Variants in CDH18 observed in about 807,000 individuals in gnomAD.
CDH18 encodes cadherin 18, also known as cadherin-18.
CDH18 carries 31 observed loss-of-function variants against 67.9 expected under a neutral mutation model. That is an observed-to-expected ratio of 0.46 (90% CI 0.34 to 0.62). CDH18 has a LOEUF of 0.62. Among genes scored for constraint, CDH18 ranks in the 20% least tolerant of loss-of-function variants. The pLI is 0.01. For synonymous variants in CDH18, 362 were observed against 347.2 expected, an observed-to-expected ratio of 1.04 and a Z score of -0.48; for missense variants, 890 against 975.5, an observed-to-expected ratio of 0.91 and a Z score of 1.17.
intron 11 of CDH18, among the ~76,000 whole-genome samples, chr5:19,494,628 T>C (rs1416058252): frequency 3.3e-5 from 5 of 152,214 alleles, no homozygotes; most frequent in Admixed American, 3.3e-4. Flanking sequence ...CAATATGTCC[T>C]AATTCATAAT....
intron 2 of CDH18, among the ~76,000 whole-genome samples, chr5:20,023,468 G>A (rs1338074723): frequency 2.0e-5 from 3 of 152,052 alleles, no homozygotes; most frequent in Middle Eastern, 3.4e-3. Context: ...GACCATCCTG[G>A]ATAACATGGT....
chr5:20,161,914 T>C (rs1174069325), intron 2 of CDH18, among the ~76,000 whole-genome samples: 2 of 152,200 alleles, frequency 1.3e-5, no homozygotes, highest in African/African-American at 4.8e-5. Context: ...CTATTAAAAG[T>C]TGGCTTAGCA....
At chr5:20,526,281 T>A (rs1339644203) in intron 1 of CDH18, among the ~76,000 whole-genome samples, 1 of 152,068 alleles carries the variant, frequency 6.6e-6, no homozygotes, top group African/African-American at 2.4e-5. Flanking sequence ...ACCGAGCACC[T>A]AGCGGGGAGG....
intron 2 of CDH18, among the ~76,000 whole-genome samples, chr5:19,907,244 T>C (rs1790639078): frequency 6.6e-6 from 1 of 151,940 alleles, no homozygotes; most frequent in Non-Finnish European, 1.5e-5. Flanking sequence ...TGACAAACAA[T>C]ACACTTTGCA....
At chr5:20,512,188 A>G (rs1320602253) in intron 1 of CDH18, among the ~76,000 whole-genome samples, 1 of 152,084 alleles carries the variant, frequency 6.6e-6, no homozygotes. Context: ...AGGCAAATGC[A>G]CTCCAGCTTG....
At chr5:19,978,385 A>C (rs2150354801) in intron 2 of CDH18, among the ~76,000 whole-genome samples, 1 of 152,246 alleles carries the variant, frequency 6.6e-6, no homozygotes, top group African/African-American at 2.4e-5. Flanking sequence ...TGATAGTATA[A>C]TTATTACAGA....
chr5:19,849,729 C>T (rs1467910472), intron 2 of CDH18, among the ~76,000 whole-genome samples: 4 of 26,016 alleles, frequency 1.5e-4, no homozygotes, highest in Non-Finnish European at 5.9e-4. Flanking sequence ...TATATATACA[C>T]GCATATATAT....
chr5:20,284,824 G>A (rs1002895335), intron 1 of CDH18, among the ~76,000 whole-genome samples: 3 of 151,806 alleles, frequency 2.0e-5, no homozygotes, highest in Admixed American at 2.0e-4. Flanking sequence ...TAGAAATCAA[G>A]TTGTATTTGG....
At chr5:20,100,721 A>G (rs1032979024) in intron 2 of CDH18, among the ~76,000 whole-genome samples, 2 of 152,088 alleles carry the variant, frequency 1.3e-5, no homozygotes, top group African/African-American at 2.4e-5. Context: ...TAGCTCCTAA[A>G]CATATCTAAT....
At chr5:20,338,387 G>A (rs1165523277) in intron 1 of CDH18, among the ~76,000 whole-genome samples, 1 of 152,204 alleles carries the variant, frequency 6.6e-6, no homozygotes, top group African/African-American at 2.4e-5. Flanking sequence ...ATCAAGCCAC[G>A]TGATGGGATG....
chr5:19,496,114 A>G (rs1742283918), intron 11 of CDH18, among the ~76,000 whole-genome samples: 1 of 152,296 alleles, frequency 6.6e-6, no homozygotes, highest in Admixed American at 6.5e-5. Flanking sequence ...CTTTTTTGTT[A>G]TATCTTGGTG....
intron 12 of CDH18, 62 bp downstream of exon 12, chr5:19,483,239 C>G: frequency 6.6e-7 from 1 of 1,517,170 alleles, no homozygotes; most frequent in South Asian, 1.3e-5. Flanking sequence ...TAAGATTTGT[C>G]AAAATGATTC....
At chr5:19,523,259 T>C (rs1438114596) in intron 9 of CDH18, among the ~76,000 whole-genome samples, 1 of 152,140 alleles carries the variant, frequency 6.6e-6, no homozygotes, top group Non-Finnish European at 1.5e-5. Context: ...ATGGTTAGCA[T>C]TAATATGTGC....
chr5:20,373,589 C>T (rs1467379691), intron 1 of CDH18, among the ~76,000 whole-genome samples: 1 of 151,936 alleles, frequency 6.6e-6, no homozygotes, highest in African/African-American at 2.4e-5. Context: ...GCATTACTTA[C>T]ATTGGTTTTC....
chr5:20,082,164 T>C (rs1744537421), intron 2 of CDH18, among the ~76,000 whole-genome samples: 1 of 152,004 alleles, frequency 6.6e-6, no homozygotes, highest in Non-Finnish European at 1.5e-5. Flanking sequence ...GTGATATTAA[T>C]CCTCAGTTTA....
intron 1 of CDH18, among the ~76,000 whole-genome samples, chr5:20,396,440 T>C (rs1745285833): frequency 6.6e-6 from 1 of 152,056 alleles, no homozygotes; most frequent in Non-Finnish European, 1.5e-5. Flanking sequence ...CATATAATTT[T>C]TATTTCCTAG....
intron 5 of CDH18, among the ~76,000 whole-genome samples, chr5:19,660,855 G>A (rs1757060919): frequency 6.6e-6 from 1 of 151,994 alleles, no homozygotes. Context: ...AGGCCTCAAT[G>A]TAGCCACCTG....
intron 1 of CDH18, among the ~76,000 whole-genome samples, chr5:20,352,550 G>A (rs534995568): frequency 4.0e-5 from 6 of 151,152 alleles, no homozygotes; most frequent in Admixed American, 2.6e-4. Context: ...GGAGGTCCAG[G>A]TGGGCGGATC....
chr5:19,994,167 T>C (rs1331992724), intron 2 of CDH18, among the ~76,000 whole-genome samples: 1 of 151,960 alleles, frequency 6.6e-6, no homozygotes, highest in East Asian at 1.9e-4. Context: ...GGTATCAGCT[T>C]TGTCAACTGA....
Sources: gnomAD v4.1 joint callset for allele counts (sites outside exome capture counted in the v4.1 genomes callset) on GRCh38, gnomAD v4.1.1 for gene constraint, MANE v1.5 for transcripts, NCBI Gene and HGNC (gene_info 2026-07-23, HGNC 2026-07-21) for gene names.